Variants in RELA observed in about 807,000 individuals in gnomAD.
RELA encodes transcription factor p65.
A neutral mutation model predicts 56.7 loss-of-function variants in RELA; 14 were observed. The ratio of observed to expected loss-of-function variants is 0.25; its 90% CI spans 0.16 to 0.39. RELA has a LOEUF of 0.39. RELA is among the 10% of genes least tolerant of loss of function. The probability of loss-of-function intolerance (pLI) is 1.00; values close to 1 mark genes in which losing one functional copy is unlikely to be tolerated. For synonymous variants in RELA, 315 were observed against 289.7 expected, an observed-to-expected ratio of 1.09 and a Z score of -0.89; for missense variants, 559 against 736.4, an observed-to-expected ratio of 0.76 and a Z score of 2.79.
rs779723703 is a variant in RELA, at chr11:65,656,018, G to A, written c.878-83C>T. 3 of 1,169,850 alleles carry A rather than the reference G, an allele frequency of 2.6e-6. No individual in the cohort carries two copies. The East Asian group carries it at 7.0e-5, about 27-fold the overall frequency. The allele number at this position is 1,169,850 out of a possible 1,614,324, so 72.5% of individuals were successfully genotyped here. A position where few individuals can be genotyped will look rare whatever the true frequency, so the allele number is the denominator to read the frequency against. ...CTCAAAGGTCCCTCAGGAGGAAGGG[G>A]AGGAGCCAGGCTTTCCCAAGACCCA... On this transcript the variant is annotated intron_variant, in intron 8 of 10. Coordinates refer to ENST00000406246, the MANE Select transcript of RELA (RefSeq NM_021975.4).
chr11:65,663,635 G>T (rs979524937), upstream of RELA, among the ~76,000 whole-genome samples: 1 of 152,230 alleles, frequency 6.6e-6, no homozygotes, highest in Non-Finnish European at 1.5e-5. Context: ...GCCCCCAGGG[G>T]TAAATCCCGG....
Position 65,662,001 on chromosome 11 carries a change from C to T in RELA, c.122G>A (p.Arg41His). 6.2e-7 allele frequency: 1 copy of T among 1,613,694 alleles called. No individual in the cohort carries two copies. Among genetic ancestry groups the T allele is most frequent in the Non-Finnish European group, 8.5e-7 (1 of 1,179,932 alleles). The change falls in exon 3 of 11, where the codon CGC (arginine) becomes CAC (histidine). Residue 41 changes from arginine to histidine, a missense_variant. Arg to His is a conservative substitution (Grantham distance 29). Coordinates refer to ENST00000406246, the MANE Select transcript of RELA (RefSeq NM_021975.4). ...GMRFRYKCEG[R>H]SAGSIPGERS... ...CTCGCCTGGGATGCTGCCCGCGGAGCGCCCCTCGCACTTGTAGCGGAAGCG... is the reference window on the plus strand; with the variant it reads ...CTCGCCTGGGATGCTGCCCGCGGAGTGCCCCTCGCACTTGTAGCGGAAGCG...
rs774737303 is a variant in RELA at position 65,660,254 on chromosome 11, G to A, written c.336-39C>T. 2.5e-6 allele frequency: 4 copies of A among 1,596,832 alleles called. No homozygotes were observed. The South Asian group carries it at 3.3e-5, about 13-fold the overall frequency. ...GTCGTCTGTCCCACTGTCTCTCACA[G>A]AGCCCAGACCTTCCTGCCTTGCCCA... On this transcript the variant is annotated intron_variant, in intron 4 of 10. Transcript: ENST00000406246.
At chr11:65,655,255 T>C in intron 10 of RELA, 1 of 576,688 alleles carries the variant, frequency 1.7e-6, no homozygotes, top group Admixed American at 3.3e-5. Context: ...GAAGGGACAC[T>C]TGGAGAGATA....
Position 65,654,503 on chromosome 11 carries a change from G to C in RELA, c.1531C>G (p.Pro511Ala). The C allele has an allele frequency of 6.2e-7, 1 of 1,601,946 alleles. No homozygotes were observed. The highest frequency in any genetic ancestry group is 8.5e-7 in the Non-Finnish European group (1 of 1,175,556). The change falls in exon 11 of 11, where the codon CCC becomes GCC. Residue 511 changes from proline to alanine, a missense_variant. Physicochemically the swap from Pro to Ala is conservative, Grantham distance 27. Coordinates refer to ENST00000406246, the MANE Select transcript of RELA (RefSeq NM_021975.4). ...CCCAGTGGAGCAGGAGCTGGGTCGG[G>C]GGGCCTCTGGGCCCCTGTCACTAGG... ...TRLVTGAQRP[P>A]DPAPAPLGAP...
chr11:65,662,894 A>C lies in RELA; in HGVS notation c.-62T>G. 8.5e-7 allele frequency: 1 copy of C among 1,172,258 alleles called. No individual in the cohort carries two copies. Among genetic ancestry groups the C allele is most frequent in the Non-Finnish European group, 1.1e-6 (1 of 947,062 alleles). The allele number at this position is 1,172,258 out of a possible 1,614,324, so 72.6% of individuals were successfully genotyped here. ...GGGCCCGCGGCGTGCACTACAGACG[A>C]GCCATTCGCCAGAGGCGGAAATGCG... On this transcript the variant is annotated 5_prime_UTR_variant, in exon 1 of 11. Coordinates refer to ENST00000406246, the MANE Select transcript of RELA (RefSeq NM_021975.4).
chr11:65,661,633 A>T, intron 4 of RELA, 54 bp downstream of exon 4: 1 of 1,499,392 alleles, frequency 6.7e-7, no homozygotes, highest in Non-Finnish European at 9.0e-7. Context: ...CGGCTACTTC[A>T]TAGCCCGCCT....
At chr11:65,660,506 A>C (rs1198832494) in intron 4 of RELA, 4 of 386,194 alleles carry the variant, frequency 1.0e-5, no homozygotes, top group Non-Finnish European at 1.8e-5. Context: ...AGGCCTTTGC[A>C]CTTGTTTGGT....
Position 65,654,878 on chromosome 11 carries a change from CTTG to C in RELA, c.1153_1155del (p.Gln385del). 1 of 1,577,578 alleles carries C rather than the reference CTTG, an allele frequency of 6.3e-7. No individual in the cohort carries two copies. The highest frequency in any genetic ancestry group is 8.6e-7 in the Non-Finnish European group (1 of 1,160,528). Reference sequence around the variant, plus strand: ...GCAGGGGCTGGAGCCTGGGGCAGGACTTGGGGAGGGGCCGGGGCCAAGGCCGAG... The same window carrying C: ...GCAGGGGCTGGAGCCTGGGGCAGGACGGGAGGGGCCGGGGCCAAGGCCGAG... On this transcript the variant is annotated inframe_deletion, in exon 11 of 11. Coordinates refer to ENST00000406246, the MANE Select transcript of RELA (RefSeq NM_021975.4).
At chr11:65,660,091 G>A (rs747002217) in intron 5 of RELA, 33 bp downstream of exon 5, 4 of 1,591,922 alleles carry the variant, frequency 2.5e-6, no homozygotes, top group Admixed American at 3.3e-5. Context: ...GGGTGACAGA[G>A]GGTGCGGGTG....
chr11:65,660,074 C>T (rs756398118), intron 5 of RELA, 50 bp downstream of exon 5: 1 of 1,553,658 alleles, frequency 6.4e-7, no homozygotes, highest in South Asian at 1.1e-5. Flanking sequence ...GAAAGGCGGG[C>T]TGGGGAGGGT....
In RELA at chr11:65,661,943, G is replaced by T; in HGVS notation, c.180C>A (p.Thr60=). Residue 60 remains threonine, a synonymous_variant, in exon 3 of 11, where the codon ACC becomes ACA. Coordinates refer to ENST00000406246, the MANE Select transcript of RELA (RefSeq NM_021975.4). The part of the protein sequence containing the change: ...RSTDTTKTHP[T]IKINGYTGPG... ...ACCCTGGCGCAGTGCTGACCTTGAT[G>T]GTGGGGTGGGTCTTGGTGGTATCTG... 6.2e-7 allele frequency: 1 copy of T among 1,613,360 alleles called. No homozygotes were observed. Among genetic ancestry groups the T allele is most frequent in the Non-Finnish European group, 8.5e-7 (1 of 1,179,606 alleles).
intron 1 of RELA, 186 bp downstream of exon 1, chr11:65,662,640 A>C: frequency 2.5e-6 from 1 of 394,576 alleles, no homozygotes; most frequent in Admixed American, 4.7e-5. Flanking sequence ...CACCCCCTCC[A>C]CCCAGAGGGG....
upstream of RELA, chr11:65,662,996 G>T: frequency 2.4e-6 from 1 of 414,678 alleles, no homozygotes; most frequent in Non-Finnish European, 3.6e-6. Context: ...CCGGCGCAGG[G>T]GCCGGGAGCA....
Position 65,658,249 on chromosome 11 carries a change from A to G in RELA, c.877+38T>C. ...TCTTGGCCTCTCTCTCACGGCACAG[A>G]GCCCAGCTGCCCTGATGCTGCCACC... On this transcript the variant is annotated intron_variant, in intron 8 of 10. Coordinates refer to ENST00000406246, the MANE Select transcript of RELA (RefSeq NM_021975.4). This position sits in a 1 kb window ranked among gnomAD's most constrained non-coding sequence, Gnocchi z 4.5. 5 of 1,487,304 alleles carry G rather than the reference A, an allele frequency of 3.4e-6. No individual in the cohort carries two copies. Among genetic ancestry groups the G allele is most frequent in the Non-Finnish European group, 4.6e-6 (5 of 1,091,674 alleles). 92.1% of individuals were successfully genotyped at this position (1,487,304 alleles called of 1,614,324 possible).
At chr11:65,657,406 C>A (rs908587203) in intron 8 of RELA, among the ~76,000 whole-genome samples, 1 of 148,360 alleles carries the variant, frequency 6.7e-6, no homozygotes, top group Non-Finnish European at 1.5e-5. Flanking sequence ...TGCTTTGAGT[C>A]TGTCTGTCTC....
At position 65,658,557 on chromosome 11, in the gene RELA, C is replaced by T. The variant is rs1341120995; in HGVS notation, c.665-58G>A. 2 of 1,472,916 alleles carry T rather than the reference C, an allele frequency of 1.4e-6. No homozygotes were observed. The highest frequency in any genetic ancestry group is 1.9e-6 in the Non-Finnish European group (2 of 1,067,848). The allele number at this position is 1,472,916 out of a possible 1,614,324, so 91.2% of individuals were successfully genotyped here. A position where few individuals can be genotyped will look rare whatever the true frequency, so the allele number is the denominator to read the frequency against. On this transcript the variant is annotated intron_variant, in intron 7 of 10. Transcript: ENST00000406246. The surrounding 1 kb of genome is among the most constrained non-coding windows in gnomAD (Gnocchi z 4.5). ...GTGTCTAACCCTCCATGGTCTCCCC[C>T]TCAACTTCTGATGCTTGTCTTCTGA... is the stretch of plus-strand genomic sequence containing the variant.
At chr11:65,655,814 C>A (rs755040152) in intron 9 of RELA, 41 bp downstream of exon 9, 1 of 1,612,844 alleles carries the variant, frequency 6.2e-7, no homozygotes, top group South Asian at 1.1e-5. Flanking sequence ...CCCCTCCCTG[C>A]CCGCTGCCTT....
chr11:65,662,078 C>T lies in RELA; in HGVS notation c.45G>A (p.Gln15=), dbSNP rs1043088069. ...TGATCTCCACATAGGGGCCAGAGGC[C>T]TGGGCTGGCTCTGCCAGGGGACACC... The part of the protein sequence containing the change: ...FPLIFPAEPA[Q]ASGPYVEIIE... The change falls in exon 3 of 11, where the codon CAG becomes CAA. Residue 15 remains glutamine (Q), a synonymous_variant. Coordinates refer to ENST00000406246, the MANE Select transcript of RELA (RefSeq NM_021975.4). 4 of 1,610,780 alleles carry T rather than the reference C, an allele frequency of 2.5e-6. No homozygotes were observed. The African/African-American group carries it at 5.3e-5, about 22-fold the overall frequency.
Sources: gnomAD v4.1 joint callset for allele counts (sites outside exome capture counted in the v4.1 genomes callset) on GRCh38, gnomAD v4.1.1 for gene constraint, Gnocchi (gnomAD v3.1) non-coding constraint, MANE v1.5 for transcripts, NCBI Gene and HGNC (gene_info 2026-07-23, HGNC 2026-07-21) for gene names.